DEUP1: variants seen among roughly 807,000 people sequenced by gnomAD.
The protein encoded by DEUP1 is deuterosome assembly protein 1.
Under a neutral mutation model 87.4 loss-of-function variants are expected in DEUP1, and 82 were observed. That is an observed-to-expected ratio of 0.94 (90% CI 0.78 to 1.13). The LOEUF (loss-of-function observed/expected upper bound fraction) is 1.13. Among genes scored for constraint, DEUP1 ranks in the 50% most tolerant of loss-of-function variants. DEUP1 has a pLI of 0.00. For missense variants in DEUP1, 663 were observed against 681.5 expected, an observed-to-expected ratio of 0.97 and a Z score of 0.30; for synonymous variants, 214 against 222.7, an observed-to-expected ratio of 0.96 and a Z score of 0.35.
intron 7 of DEUP1, chr11:93,383,615 G>A: frequency 1.5e-6 from 1 of 669,628 alleles, no homozygotes; most frequent in Non-Finnish European, 2.7e-6. Context: ...TTTATGGTAT[G>A]TGGATTATAT....
chr11:93,343,189 T>A (rs1357093630), intron 2 of DEUP1, among the ~76,000 whole-genome samples: 2 of 150,396 alleles, frequency 1.3e-5, no homozygotes, highest in Non-Finnish European at 2.9e-5. Context: ...AATTAAAACG[T>A]TGTCTAGATT....
intron 5 of DEUP1, among the ~76,000 whole-genome samples, chr11:93,368,990 C>T (rs887762180): frequency 2.0e-5 from 3 of 151,804 alleles, no homozygotes; most frequent in African/African-American, 7.3e-5. Context: ...CAGCCACCCC[C>T]CAACACACAC....
intron 5 of DEUP1, among the ~76,000 whole-genome samples, chr11:93,367,879 T>C (rs1458179612): frequency 6.6e-6 from 1 of 152,230 alleles, no homozygotes. Context: ...TTTTTGTTCG[T>C]ACATTCATGT....
intron 4 of DEUP1, among the ~76,000 whole-genome samples, chr11:93,359,522 T>C (rs1945062860): frequency 6.6e-6 from 1 of 152,166 alleles, no homozygotes; most frequent in South Asian, 2.1e-4. Flanking sequence ...GCTAAGGACC[T>C]TGGGACTCAA....
chr11:93,381,964 A>G (rs1003598865), intron 7 of DEUP1, among the ~76,000 whole-genome samples: 1 of 152,140 alleles, frequency 6.6e-6, no homozygotes, highest in Non-Finnish European at 1.5e-5. Flanking sequence ...TGCTTCCAAC[A>G]TATCTCATAT....
chr11:93,409,381 G>T, intron 12 of DEUP1, among the ~76,000 whole-genome samples: 1 of 152,146 alleles, frequency 6.6e-6, no homozygotes, highest in East Asian at 1.9e-4. Context: ...TTTAATAAAA[G>T]ATTTATGGAG....
At position 93,371,094 on chromosome 11, in the gene DEUP1, C is replaced by G. The variant is rs868814641; in HGVS notation, c.603C>G (p.Asp201Glu). 3.1e-6 allele frequency: 5 copies of G among 1,612,190 alleles called. No individual in the cohort carries two copies. The Admixed American group carries it at 8.4e-5, about 27-fold the overall frequency. ...ATGGTAAAAAACAGTGCTTAGAAGA[C>G]AGCAGCTCTGAAATTCCTCGTTTGA... is the stretch of plus-strand genomic sequence containing the variant. ...QLNGKKQCLEDSSSEIPRLIC... is the reference protein window; with the variant it reads ...QLNGKKQCLEESSSEIPRLIC... The change falls in exon 7 of 14, where the codon GAC becomes GAG. Residue 201 changes from aspartate to glutamate, a missense_variant. Asp to Glu is a conservative substitution (Grantham distance 45). Transcript: ENST00000298050.
At chr11:93,392,359 T>G (rs1946790473) in intron 9 of DEUP1, among the ~76,000 whole-genome samples, 1 of 152,186 alleles carries the variant, frequency 6.6e-6, no homozygotes, top group East Asian at 1.9e-4. Flanking sequence ...TCACAAGAAA[T>G]GTGATGTGAA....
chr11:93,398,357 C>G (rs1350376288), intron 11 of DEUP1, among the ~76,000 whole-genome samples: 1 of 151,888 alleles, frequency 6.6e-6, no homozygotes, highest in Non-Finnish European at 1.5e-5. Context: ...GAGTTTTGCC[C>G]GAATGAACAG....
chr11:93,408,921 A>ATC (rs1215442519), intron 12 of DEUP1, among the ~76,000 whole-genome samples: 1 of 150,732 alleles, frequency 6.6e-6, no homozygotes, highest in Non-Finnish European at 1.5e-5. Flanking sequence ...CAGTGGTGTG[A>ATC]TCTCGGCTCA....
intron 1 of DEUP1, among the ~76,000 whole-genome samples, chr11:93,331,982 A>T (rs180825164): frequency 6.6e-6 from 1 of 152,188 alleles, no homozygotes; most frequent in Admixed American, 6.5e-5. Context: ...CAGAGGTTGC[A>T]GTGAGCTGAG....
chr11:93,385,765 A>G (rs1415490122), intron 8 of DEUP1, among the ~76,000 whole-genome samples: 1 of 152,128 alleles, frequency 6.6e-6, no homozygotes, highest in African/African-American at 2.4e-5. Flanking sequence ...TGATTTATGG[A>G]TATTTCTGTC....
chr11:93,416,767 G>A (rs1259684716), intron 13 of DEUP1, among the ~76,000 whole-genome samples: 3 of 151,096 alleles, frequency 2.0e-5, no homozygotes, highest in Non-Finnish European at 4.4e-5. Context: ...AAACATTGAT[G>A]CAAAAATCCT....
In DEUP1 at chr11:93,394,597, C is replaced by T. The variant is rs1402148843; in HGVS notation, c.1180C>T (p.Leu394=). The T allele has an allele frequency of 6.2e-7, 1 of 1,612,254 alleles. No individual in the cohort carries two copies. Among genetic ancestry groups the T allele is most frequent in the Non-Finnish European group, 8.5e-7 (1 of 1,179,442 alleles). ...AACTGTCACAAAGAAAGCTGCCCTT[C>T]TGGAAAAACAGTTAAAAATGGAATT... is the stretch of plus-strand genomic sequence containing the variant. ...IATVTKKAAL[L]EKQLKMELEI... is the part of the protein sequence containing the mutation. Residue 394 remains leucine, a synonymous_variant, in exon 10 of 14, where the codon CTG becomes TTG. Transcript: ENST00000298050.
chr11:93,357,817 G>A (rs960894393), intron 4 of DEUP1, among the ~76,000 whole-genome samples: 1 of 152,112 alleles, frequency 6.6e-6, no homozygotes, highest in African/African-American at 2.4e-5. Context: ...GTTTTAGGAG[G>A]TAATTAAGCC....
At position 93,437,750 on chromosome 11, in the gene DEUP1, C is replaced by CCCG. The variant is rs1555068652; in HGVS notation, c.*33_*34insGCC. On this transcript the variant is annotated 3_prime_UTR_variant, in exon 14 of 14. Transcript: ENST00000298050. The stretch of plus-strand genomic sequence containing the variant: ...TAAACTTTTTTATTTGCTTCCCCCC[C>CCCG]CCACCCCCGCCAAGAAAAAAAGCTC... 1.1e-5 allele frequency: 12 copies of CCCG among 1,044,802 alleles called. No individual in the cohort carries two copies. The highest frequency in any genetic ancestry group is 3.3e-4 in the Middle Eastern group (1 of 3,014). The allele number at this position is 1,044,802 out of a possible 1,614,324, so 64.7% of individuals were successfully genotyped here.
At chr11:93,331,678 C>T (rs1360644856) in intron 1 of DEUP1, among the ~76,000 whole-genome samples, 1 of 152,160 alleles carries the variant, frequency 6.6e-6, no homozygotes, top group Non-Finnish European at 1.5e-5. Flanking sequence ...TTGCGAACAA[C>T]GTAGTACAAG....
At chr11:93,391,450 C>T (rs1361621021) in intron 9 of DEUP1, among the ~76,000 whole-genome samples, 2 of 152,128 alleles carry the variant, frequency 1.3e-5, no homozygotes, top group Non-Finnish European at 1.5e-5. Context: ...TGGCTCACGC[C>T]TGTAATCCCA....
intron 6 of DEUP1, among the ~76,000 whole-genome samples, chr11:93,370,757 C>T (rs1209228933): frequency 4.6e-5 from 7 of 151,842 alleles, no homozygotes; most frequent in Non-Finnish European, 1.0e-4. Context: ...TTTTTTACAC[C>T]TTCTAGATTT....
Sources: gnomAD v4.1 joint callset for allele counts (sites outside exome capture counted in the v4.1 genomes callset) on GRCh38, gnomAD v4.1.1 for gene constraint, MANE v1.5 for transcripts, NCBI Gene and HGNC (gene_info 2026-07-23, HGNC 2026-07-21) for gene names.